The following SUCLG2 variants were observed in gnomAD, a reference collection of about 807,000 sequenced individuals.
SUCLG2 encodes succinate-CoA ligase GDP-forming subunit beta, also known as succinate--CoA ligase [GDP-forming] subunit beta, mitochondrial.
SUCLG2 carries 42 observed loss-of-function variants against 47.9 expected under a neutral mutation model. The observed-to-expected ratio is 0.88, with a 90% CI of 0.69 to 1.14. The LOEUF (loss-of-function observed/expected upper bound fraction) is 1.14, where lower values mean the gene tolerates loss of function less well. Among genes scored for constraint, SUCLG2 ranks in the 50% most tolerant of loss-of-function variants. The pLI, the probability that SUCLG2 is intolerant of heterozygous loss-of-function variation, is 0.00. For missense variants in SUCLG2, 571 were observed against 525.9 expected (o/e 1.09, Z -0.84); for synonymous variants, 195 against 197.3 (o/e 0.99, Z 0.10).
chr3:67,401,134 C>G (rs1353970944), intron 9 of SUCLG2, among the ~76,000 whole-genome samples: 1 of 152,030 alleles, frequency 6.6e-6, no homozygotes, highest in Non-Finnish European at 1.5e-5. Flanking sequence ...TATATAATGT[C>G]TTCTTTTTCT....
intron 1 of SUCLG2, among the ~76,000 whole-genome samples, chr3:67,626,794 G>C (rs542576899): frequency 1.3e-5 from 2 of 151,432 alleles, no homozygotes; most frequent in East Asian, 2.0e-4. Flanking sequence ...GGCACCTGTA[G>C]TCCCAGCTAC....
intron 2 of SUCLG2, among the ~76,000 whole-genome samples, chr3:67,580,379 G>C (rs1213136348): frequency 6.6e-6 from 1 of 151,876 alleles, no homozygotes; most frequent in Non-Finnish European, 1.5e-5. Flanking sequence ...ACATCTGGGT[G>C]GGAAAATTTT....
At position 67,609,440 on chromosome 3, in the gene SUCLG2, T is replaced by G; in HGVS notation, c.226+15A>C. ...ATTTGGGCAAGTGTATTTCACCCAT[T>G]ATGAATCAGCTTACTTAGTCTCTTA... On this transcript the variant is annotated intron_variant, in intron 2 of 10. Transcript: ENST00000307227. The G allele has an allele frequency of 6.2e-7, 1 of 1,607,852 alleles. No individual in the cohort carries two copies. Among genetic ancestry groups the G allele is most frequent in the African/African-American group, 1.3e-5 (1 of 74,806 alleles).
In SUCLG2 at chr3:67,446,417, ATTTTTTTTTTTTTT is replaced by A. The variant is rs750956324; in HGVS notation, c.1063-45580_1063-45567del. On this transcript the variant is annotated intron_variant, in intron 9 of 10. Coordinates refer to ENST00000307227, the MANE Select transcript of SUCLG2 (RefSeq NM_003848.4). ...GGTATCTAAATATGTACATATGTAC[ATTTTTTTTTTTTTT>A]TTTTTTTTTTTTTTTTTGAGATAGA... is the stretch of plus-strand genomic sequence containing the variant. Among the ~76,000 whole-genome samples the A allele has an allele frequency of 4.7e-3, 150 of 32,202 alleles. 2 individuals are homozygous for A. The highest frequency in any genetic ancestry group is 0.018 in the African/African-American group (139 of 7,668). The allele number at this position is 32,202 out of a possible 152,430, so 21.1% of individuals were successfully genotyped here.
intron 9 of SUCLG2, among the ~76,000 whole-genome samples, chr3:67,431,403 C>T (rs1332919310): frequency 6.6e-6 from 1 of 152,072 alleles, no homozygotes; most frequent in Non-Finnish European, 1.5e-5. Context: ...AAATTCAACA[C>T]CCCTTCATGC....
intron 10 of SUCLG2, 32 bp downstream of exon 10, chr3:67,400,699 T>A (rs2106813935): frequency 6.2e-7 from 1 of 1,607,512 alleles, no homozygotes; most frequent in African/African-American, 1.3e-5. Context: ...GGAGAAGGGG[T>A]GCTGGCACAG....
chr3:67,504,689 C>A (rs1283993768), intron 7 of SUCLG2, among the ~76,000 whole-genome samples: 1 of 152,068 alleles, frequency 6.6e-6, no homozygotes, highest in East Asian at 1.9e-4. Context: ...TAAAAATGTT[C>A]CCTGGGGGAC....
At chr3:67,423,764 C>T (rs1306348047) in intron 9 of SUCLG2, among the ~76,000 whole-genome samples, 1 of 152,184 alleles carries the variant, frequency 6.6e-6, no homozygotes, top group African/African-American at 2.4e-5. Flanking sequence ...ACATCAGAAT[C>T]CCCCTTAGAA....
chr3:67,443,990 C>T (rs1179983539), intron 9 of SUCLG2, among the ~76,000 whole-genome samples: 7 of 123,158 alleles, frequency 5.7e-5, no homozygotes, highest in East Asian at 3.1e-4. Context: ...CCCGGCCAGC[C>T]GCCCCATCCG....
At chr3:67,499,573 A>T (rs1705441853) in intron 7 of SUCLG2, among the ~76,000 whole-genome samples, 1 of 152,168 alleles carries the variant, frequency 6.6e-6, no homozygotes, top group Non-Finnish European at 1.5e-5. Context: ...TCCTTGATTT[A>T]CAGATCTCCT....
At chr3:67,499,377 C>T (rs1432913947) in intron 7 of SUCLG2, among the ~76,000 whole-genome samples, 2 of 152,142 alleles carry the variant, frequency 1.3e-5, no homozygotes, top group Non-Finnish European at 1.5e-5. Context: ...GCCCTTGATT[C>T]GTGCAGGACC....
chr3:67,592,575 G>A (rs1166724968), intron 2 of SUCLG2, among the ~76,000 whole-genome samples: 1 of 152,022 alleles, frequency 6.6e-6, no homozygotes, highest in Admixed American at 6.6e-5. Context: ...CATATGAACA[G>A]GTGTTAATTC....
chr3:67,594,231 T>C (rs576320248), intron 2 of SUCLG2, among the ~76,000 whole-genome samples: 4 of 152,230 alleles, frequency 2.6e-5, no homozygotes, highest in African/African-American at 9.6e-5. Context: ...CTAACTGACA[T>C]GGATTTCATC....
chr3:67,652,546 AC>A (rs1701306165), intron 1 of SUCLG2, among the ~76,000 whole-genome samples: 1 of 152,184 alleles, frequency 6.6e-6, no homozygotes, highest in Admixed American at 6.5e-5. Context: ...AAATAGCAAT[AC>A]TCACCATTTT....
chr3:67,563,295 G>T (rs938080930), intron 2 of SUCLG2, among the ~76,000 whole-genome samples: 2 of 152,094 alleles, frequency 1.3e-5, no homozygotes. Context: ...GGTCTCTTAA[G>T]GAGTTCCAAG....
chr3:67,537,808 T>C (rs1259172848), intron 2 of SUCLG2, among the ~76,000 whole-genome samples: 2 of 152,236 alleles, frequency 1.3e-5, no homozygotes, highest in Non-Finnish European at 2.9e-5. Context: ...GATTTGCATT[T>C]CTCTAAAGAC....
Position 67,594,229 on chromosome 3 carries a change from C to A in SUCLG2, c.226+15226G>T, listed in dbSNP as rs1708243842. On this transcript the variant is annotated intron_variant, in intron 2 of 10. Transcript: ENST00000307227. ...CGTTGTTGAGGCAATACCTAACTGA[C>A]ATGGATTTCATCCAAATCTTTTGGT... Among the ~76,000 whole-genome samples, 4 of 152,332 alleles carry A rather than the reference C, an allele frequency of 2.6e-5. 1 individual carries two copies. In the South Asian group the frequency reaches 6.2e-4, roughly 24 times the overall value.
intron 9 of SUCLG2, among the ~76,000 whole-genome samples, chr3:67,423,200 A>G (rs932686233): frequency 2.6e-5 from 4 of 152,004 alleles, no homozygotes; most frequent in Non-Finnish European, 5.9e-5. Context: ...AGTGAGTCTC[A>G]CGAGATCTGA....
At chr3:67,475,414 A>G (rs1704724209) in intron 9 of SUCLG2, among the ~76,000 whole-genome samples, 1 of 152,218 alleles carries the variant, frequency 6.6e-6, no homozygotes, top group Admixed American at 6.5e-5. Context: ...TTAAAGGCGA[A>G]TCTGTCACAA....
Sources: gnomAD v4.1 joint callset for allele counts (sites outside exome capture counted in the v4.1 genomes callset) on GRCh38, gnomAD v4.1.1 for gene constraint, MANE v1.5 for transcripts, NCBI Gene and HGNC (gene_info 2026-07-23, HGNC 2026-07-21) for gene names.